DLGAP4: variants seen among roughly 807,000 people sequenced by gnomAD.
DLGAP4 encodes DLG associated protein 4, also known as disks large-associated protein 4.
Under a neutral mutation model 86.9 loss-of-function variants are expected in DLGAP4, and 18 were observed. The observed-to-expected ratio is 0.21, with a 90% CI of 0.14 to 0.31. The LOEUF (loss-of-function observed/expected upper bound fraction) is 0.31. Among genes scored for constraint, DLGAP4 ranks in the 10% least tolerant of loss-of-function variants. The pLI is 1.00. For synonymous variants in DLGAP4, 548 were observed against 574.3 expected (o/e 0.95, Z 0.65); for missense variants, 1,085 against 1,362.6 (o/e 0.80, Z 3.21).
rs754037178 is a variant in DLGAP4 at position 36,431,421 on chromosome 20, A to C, written c.-72-225A>C. Reference sequence around the variant, plus strand: ...TTAAAGATACAGTCCTCAAGCTAGAAGAATGGAAGATGTTGTGCTTGTCTG... The same window carrying C: ...TTAAAGATACAGTCCTCAAGCTAGACGAATGGAAGATGTTGTGCTTGTCTG... On this transcript the variant is annotated intron_variant, in intron 2 of 12. Transcript: ENST00000339266. This position sits in a 1 kb window ranked among gnomAD's most constrained non-coding sequence, Gnocchi z 5.1. Among the ~76,000 whole-genome samples the C allele has an allele frequency of 5.6e-4, 85 of 152,260 alleles. No individual in the cohort carries two copies. Among genetic ancestry groups the C allele is most frequent in the Non-Finnish European group, 3.5e-4 (24 of 68,000 alleles).
At chr20:36,503,477 GC>G (rs2036229832) in intron 10 of DLGAP4, among the ~76,000 whole-genome samples, 1 of 138,548 alleles carries the variant, frequency 7.2e-6, no homozygotes, top group Admixed American at 7.0e-5. Context: ...ACCATATATG[GC>G]CTTTTTTTTT....
intron 7 of DLGAP4, among the ~76,000 whole-genome samples, chr20:36,478,413 CTT>C (rs1359288468): frequency 2.6e-5 from 4 of 152,198 alleles, no homozygotes; most frequent in African/African-American, 9.7e-5. Flanking sequence ...TCACAGGTCT[CTT>C]TGTGAGAGCA....
At chr20:36,324,555 T>C (rs1555890888) in intron 1 of DLGAP4, among the ~76,000 whole-genome samples, 2 of 152,248 alleles carry the variant, frequency 1.3e-5, no homozygotes, top group African/African-American at 4.8e-5. Context: ...AACAATAAGT[T>C]GTGCTGGCAC....
In DLGAP4 at chr20:36,500,385, C is replaced by T. The variant is rs775520716; in HGVS notation, c.2286C>T (p.Leu762=). Residue 762 remains leucine (L), a synonymous_variant, in exon 10 of 13, where the codon CTC becomes CTT. Coordinates refer to ENST00000339266, the MANE Select transcript of DLGAP4 (RefSeq NM_001365621.2). The surrounding 1 kb of genome is among the most constrained non-coding windows in gnomAD (Gnocchi z 4.6). ...APKIAQIKRN[L]SYGDNSDPAL... ...AGATTGCCCAGATCAAGCGCAACCTCTCCTATGGAGACAACAGCGACCCTG... is the reference window on the plus strand; with the variant it reads ...AGATTGCCCAGATCAAGCGCAACCTTTCCTATGGAGACAACAGCGACCCTG... 6.2e-7 allele frequency: 1 copy of T among 1,605,882 alleles called. No homozygotes were observed. The highest frequency in any genetic ancestry group is 1.1e-5 in the South Asian group (1 of 89,722).
chr20:36,443,159 C>T lies in DLGAP4; in HGVS notation c.1407+382C>T, dbSNP rs995469368. On this transcript the variant is annotated intron_variant, in intron 6 of 12. Transcript: ENST00000339266. ...GCTGATGATATTAGCTTCCAGGTCC[C>T]AGCCCCCAGATCCCTTGGCTTTTCT... Among the ~76,000 whole-genome samples the T allele has an allele frequency of 1.1e-4, 16 of 152,172 alleles. 1 individual carries two copies. The highest frequency in any genetic ancestry group is 7.2e-4 in the Admixed American group (11 of 15,288).
At chr20:36,464,641 G>A (rs1021672750) in intron 7 of DLGAP4, among the ~76,000 whole-genome samples, 1 of 152,076 alleles carries the variant, frequency 6.6e-6, no homozygotes, top group African/African-American at 2.4e-5. Flanking sequence ...CTGGAGGTCA[G>A]GGGTTCGACA....
chr20:36,527,306 T>C lies in DLGAP4; in HGVS notation c.*275T>C, dbSNP rs2037831659. ...TGCTGGCCGTGGTGGACTAGATAGA[T>C]GGACGTCGGCAACTCCCGGCCCAGC... On this transcript the variant is annotated 3_prime_UTR_variant, in exon 13 of 13. Coordinates refer to ENST00000339266, the MANE Select transcript of DLGAP4 (RefSeq NM_001365621.2). 3.3e-6 allele frequency: 1 copy of C among 302,804 alleles called. No homozygotes were observed. Among genetic ancestry groups the C allele is most frequent in the Non-Finnish European group, 6.2e-6 (1 of 161,760 alleles). 18.8% of individuals were successfully genotyped at this position (302,804 alleles called of 1,614,324 possible). A position where few individuals can be genotyped will look rare whatever the true frequency, so the allele number is the denominator to read the frequency against.
chr20:36,469,473 C>T (rs1600588682), intron 7 of DLGAP4, among the ~76,000 whole-genome samples: 1 of 152,204 alleles, frequency 6.6e-6, no homozygotes, highest in East Asian at 1.9e-4. Context: ...ACAAAAGAGG[C>T]TGGGCATGGT....
At chr20:36,348,441 G>A (rs2030018120) in intron 1 of DLGAP4, among the ~76,000 whole-genome samples, 1 of 151,632 alleles carries the variant, frequency 6.6e-6, no homozygotes, top group Non-Finnish European at 1.5e-5. Flanking sequence ...TTTTTGAGAT[G>A]GAGTTTCTCT....
rs899744552 is a variant in DLGAP4 at position 36,431,728 on chromosome 20, T to C, written c.11T>C (p.Leu4Pro). ...CCTCGGCCCGGGATCATGAAAGGCC[T>C]CGGTGACAGCCGCCCCCGCCACCTC... MKG[L>P]GDSRPRHLSD... Residue 4 changes from leucine to proline, a missense_variant, in exon 3 of 13, where the codon CTC becomes CCC. By Grantham distance (98) the Leu-to-Pro change is moderately conservative. Coordinates refer to ENST00000339266, the MANE Select transcript of DLGAP4 (RefSeq NM_001365621.2). This position sits in a 1 kb window ranked among gnomAD's most constrained non-coding sequence, Gnocchi z 5.1. The C allele has an allele frequency of 1.9e-6, 3 of 1,595,802 alleles. No individual in the cohort carries two copies. Among genetic ancestry groups the C allele is most frequent in the Non-Finnish European group, 2.6e-6 (3 of 1,168,956 alleles).
rs536969353 is a variant in DLGAP4, at chr20:36,415,503, G to A, written c.-72-16143G>A. 2.6e-5 allele frequency among the ~76,000 whole-genome samples: 4 copies of A among 152,226 alleles called. 1 individual carries two copies. The East Asian group carries it at 7.7e-4, about 29-fold the overall frequency. On this transcript the variant is annotated intron_variant, in intron 2 of 12. Transcript: ENST00000339266. Reference sequence around the variant, plus strand: ...CACCCTGACCTCCTTGTGTAGGTGGGACTCATTGTTAGGGATAGTAACAGC... The same window carrying A: ...CACCCTGACCTCCTTGTGTAGGTGGAACTCATTGTTAGGGATAGTAACAGC...
intron 7 of DLGAP4, among the ~76,000 whole-genome samples, chr20:36,460,606 T>G (rs1251705957): frequency 6.6e-6 from 1 of 152,094 alleles, no homozygotes; most frequent in African/African-American, 2.4e-5. Context: ...TGAACAAGAG[T>G]TGGGTCTGCG....
At chr20:36,479,277 T>G (rs1439458235) in intron 7 of DLGAP4, among the ~76,000 whole-genome samples, 1 of 152,066 alleles carries the variant, frequency 6.6e-6, no homozygotes, top group Non-Finnish European at 1.5e-5. Flanking sequence ...CAAAGTCTTC[T>G]AGGATGAGGG....
intron 2 of DLGAP4, among the ~76,000 whole-genome samples, chr20:36,378,136 C>T (rs765339642): frequency 1.3e-5 from 2 of 152,328 alleles, no homozygotes; most frequent in Admixed American, 6.5e-5. Flanking sequence ...CCTCCCCCTA[C>T]GCCAAGACAC....
chr20:36,494,984 G>GTTTTTTTTTTTT (rs752411826), intron 7 of DLGAP4, among the ~76,000 whole-genome samples: 8 of 75,392 alleles, frequency 1.1e-4, no homozygotes, highest in African/African-American at 2.1e-4. Context: ...TTTTTGTTCG[G>GTTTTTTTTTTTT]TTTTTTTTTT....
chr20:36,514,102 G>A (rs1461182347), intron 10 of DLGAP4, among the ~76,000 whole-genome samples: 3 of 152,082 alleles, frequency 2.0e-5, no homozygotes, highest in Non-Finnish European at 2.9e-5. Context: ...TGGAAAGGGA[G>A]GAATAAACAG....
chr20:36,385,614 C>T (rs567795490), intron 2 of DLGAP4, among the ~76,000 whole-genome samples: 1 of 152,316 alleles, frequency 6.6e-6, no homozygotes, highest in South Asian at 2.1e-4. Context: ...CAGTCTCAAG[C>T]CCCAGAGCCA....
At position 36,436,370 on chromosome 20, in the gene DLGAP4, C is replaced by G. The variant is rs374077928; in HGVS notation, c.1241+20C>G. 6.4e-7 allele frequency: 1 copy of G among 1,574,298 alleles called. No individual in the cohort carries two copies. Among genetic ancestry groups the G allele is most frequent in the Non-Finnish European group, 8.6e-7 (1 of 1,164,230 alleles). On this transcript the variant is annotated intron_variant, in intron 4 of 12. Coordinates refer to ENST00000339266, the MANE Select transcript of DLGAP4 (RefSeq NM_001365621.2). ...CCGCAGGTAGGCGCGCAGCTCCACC[C>G]TTACGGTCCCGCCCAGAGGCAAGCC... is the stretch of plus-strand genomic sequence containing the variant.
chr20:36,332,519 A>T (rs1312677740), intron 1 of DLGAP4, among the ~76,000 whole-genome samples: 5 of 151,856 alleles, frequency 3.3e-5, no homozygotes, highest in Non-Finnish European at 7.4e-5. Flanking sequence ...CCTCCCTAGT[A>T]GCTGGGACTA....
Sources: gnomAD v4.1 joint callset for allele counts (sites outside exome capture counted in the v4.1 genomes callset) on GRCh38, gnomAD v4.1.1 for gene constraint, Gnocchi (gnomAD v3.1) non-coding constraint, MANE v1.5 for transcripts, NCBI Gene and HGNC (gene_info 2026-07-23, HGNC 2026-07-21) for gene names.